TAT: variants seen among roughly 807,000 people sequenced by gnomAD.
TAT encodes L-tyrosine:2-oxoglutarate aminotransferase.
Under a neutral mutation model 53.6 loss-of-function variants are expected in TAT, and 35 were observed. That is an observed-to-expected ratio of 0.65 (90% CI 0.50 to 0.87). The LOEUF is 0.87. Among genes scored for constraint, TAT ranks in the 40% least tolerant of loss-of-function variants. TAT has a pLI of 0.00. For synonymous variants in TAT, 197 were observed against 206.5 expected (o/e 0.95, Z 0.39); for missense variants, 525 against 571.8 (o/e 0.92, Z 0.83).
rs1306978798 is a variant in TAT at position 71,566,774 on chromosome 16, A to T, written c.*1370T>A. ...AGAAGTAAATGAAACCTCATAGGTA[A>T]TGAAACAATGAGACTGAGGAGTGCC... On this transcript the variant is annotated 3_prime_UTR_variant, in exon 12 of 12. Transcript: ENST00000355962. 1 of 152,102 alleles carries T rather than the reference A, an allele frequency of 6.6e-6. No homozygotes were observed. The highest frequency in any genetic ancestry group is 1.5e-5 in the Non-Finnish European group (1 of 68,020). The allele number at this position is 152,102 out of a possible 1,614,324, so 9.4% of individuals were successfully genotyped here. A position where few individuals can be genotyped will look rare whatever the true frequency, so the allele number is the denominator to read the frequency against.
intron 11 of TAT, 185 bp downstream of exon 11, chr16:71,568,526 G>A: frequency 1.4e-6 from 1 of 697,556 alleles, no homozygotes; most frequent in Non-Finnish European, 2.5e-6. Flanking sequence ...TCCCAGTATG[G>A]ATGGGATTAT....
intron 7 of TAT, among the ~76,000 whole-genome samples, chr16:71,571,155 C>G (rs2044200445): frequency 6.6e-6 from 1 of 152,178 alleles, no homozygotes; most frequent in South Asian, 2.1e-4. Flanking sequence ...AGTCCACAAT[C>G]CCTTATCTGA....
intron 6 of TAT, 38 bp from the exon 7 acceptor site, chr16:71,571,696 AT>A (rs1234039921): frequency 6.3e-7 from 1 of 1,592,672 alleles, no homozygotes; most frequent in South Asian, 1.1e-5. Context: ...TTTAATGTGA[AT>A]TGCTTTATCA....
In TAT at chr16:71,573,516, C is replaced by T. The variant is rs143387795; in HGVS notation, c.408+23G>A. 1.2e-3 allele frequency: 1,884 copies of T among 1,550,374 alleles called. 1 individual carries two copies. The highest frequency in any genetic ancestry group is 1.5e-3 in the Non-Finnish European group (1,679 of 1,145,636). ...TAGTTTGCCCTAAATTGCTTCAGAG[C>T]TGGTGTCTTGTATAAGGCTCACCTT... On this transcript the variant is annotated intron_variant, in intron 4 of 11. Coordinates refer to ENST00000355962, the MANE Select transcript of TAT (RefSeq NM_000353.3).
At position 71,572,586 on chromosome 16, in the gene TAT, G is replaced by C. The variant is rs2044210433; in HGVS notation, c.511C>G (p.Leu171Val). Residue 171 changes from leucine (L) to valine (V), a missense_variant, in exon 5 of 12, where the codon CTC (leucine) becomes GTC (valine). By Grantham distance (32) the Leu-to-Val change is conservative (BLOSUM62 1). Transcript: ENST00000355962. ...ATAGACTCAGCCAGAGTCTTGTAGA[G>C]AGAGAAACCAGGTCTTGGAACCAGG... ...NILVPRPGFS[L>V]YKTLAESMGI... The C allele has an allele frequency of 6.2e-7, 1 of 1,614,082 alleles. No individual in the cohort carries two copies. Among genetic ancestry groups the C allele is most frequent in the African/African-American group, 1.3e-5 (1 of 74,920 alleles).
At position 71,569,880 on chromosome 16, in the gene TAT, G is replaced by T. The variant is rs759212173; in HGVS notation, c.1099C>A (p.Arg367Ser). 3 of 1,613,910 alleles carry T rather than the reference G, an allele frequency of 1.9e-6. No homozygotes were observed. Among genetic ancestry groups the T allele is most frequent in the Non-Finnish European group, 2.5e-6 (3 of 1,179,966 alleles). ...LAAIPGLRPVRPSGAMYLMVG... is the reference protein window; with the variant it reads ...LAAIPGLRPVSPSGAMYLMVG... ...ATGAGGTACATAGCCCCAGAAGGGCGGACTGGCCGGAGTCCAGGGATGGCA... is the reference window on the plus strand; with the variant it reads ...ATGAGGTACATAGCCCCAGAAGGGCTGACTGGCCGGAGTCCAGGGATGGCA... The change falls in exon 10 of 12, where the codon CGC becomes AGC. Residue 367 changes from arginine to serine, a missense_variant. By Grantham distance (110) the Arg-to-Ser change is moderately radical (BLOSUM62 -1). Coordinates refer to ENST00000355962, the MANE Select transcript of TAT (RefSeq NM_000353.3).
intron 6 of TAT, 145 bp downstream of exon 6, chr16:71,572,041 G>T: frequency 9.9e-7 from 1 of 1,008,086 alleles, no homozygotes; most frequent in African/African-American, 1.6e-5. Flanking sequence ...CACTCCTATG[G>T]CACAGTATTG....
intron 9 of TAT, 149 bp from the exon 10 acceptor site, chr16:71,570,086 A>C (rs930785853): frequency 8.9e-6 from 12 of 1,341,242 alleles, no homozygotes; most frequent in Non-Finnish European, 1.2e-5. Flanking sequence ...TATTACTTGA[A>C]GCTTTTCACC....
chr16:71,573,818 G>GT (rs1039303619), intron 3 of TAT, among the ~76,000 whole-genome samples: 4 of 151,690 alleles, frequency 2.6e-5, no homozygotes, highest in South Asian at 2.1e-4. Context: ...TTTTTGTTTT[G>GT]TTTTTTGTTT....
intron 3 of TAT, chr16:71,575,646 A>G: frequency 2.0e-6 from 1 of 497,426 alleles, no homozygotes. Flanking sequence ...ATTAGTAATG[A>G]TAGGATAGGA....
chr16:71,570,750 G>T lies in TAT; in HGVS notation c.841C>A (p.Arg281Ser), dbSNP rs778438405. 1.9e-6 allele frequency: 3 copies of T among 1,614,092 alleles called. No individual in the cohort carries two copies. Among genetic ancestry groups the T allele is most frequent in the Admixed American group, 1.7e-5 (1 of 60,006 alleles). Residue 281 changes from arginine to serine, a missense_variant, in exon 8 of 12, where the codon CGC becomes AGC. By Grantham distance (110) the Arg-to-Ser change is moderately radical. Transcript: ENST00000355962. ...AACCTCCAGCCAGGAACCAGCCAGCGCTTGGCCAGCCCTCCACAGGACAGG... is the reference window on the plus strand; with the variant it reads ...AACCTCCAGCCAGGAACCAGCCAGCTCTTGGCCAGCCCTCCACAGGACAGG... Reference protein sequence around the residue: ...PILSCGGLAKRWLVPGWRLGW... With the variant: ...PILSCGGLAKSWLVPGWRLGW...
rs772064635 is a variant in TAT at position 71,568,278 on chromosome 16, C to G, written c.1231G>C (p.Glu411Gln). ...SVHCLPATCF[E>Q]YPNFIRVVIT... ...ACCACTCGGATGAAATTCGGGTACTCAAAGCACTGCAAAAAGAAGAGTCTG... is the reference window on the plus strand; with the variant it reads ...ACCACTCGGATGAAATTCGGGTACTGAAAGCACTGCAAAAAGAAGAGTCTG... Residue 411 changes from glutamate to glutamine, a missense_variant, in exon 12 of 12, where the codon GAG (glutamate) becomes CAG (glutamine). Coordinates refer to ENST00000355962, the MANE Select transcript of TAT (RefSeq NM_000353.3). 1 of 1,614,104 alleles carries G rather than the reference C, an allele frequency of 6.2e-7. No individual in the cohort carries two copies. The highest frequency in any genetic ancestry group is 1.1e-5 in the South Asian group (1 of 91,062).
rs1244669832 is a variant in TAT, at chr16:71,572,543, A to G, written c.554T>C (p.Leu185Pro). Reference protein sequence around the residue: ...LAESMGIEVKLYNLLPEKSWE... With the variant: ...LAESMGIEVKPYNLLPEKSWE... ...AAAGTCATTTACCAACAAATTGTAG[A>G]GTTTGACCTCAATTCCCATAGACTC... Residue 185 changes from leucine to proline, a missense_variant, in exon 5 of 12, where the codon CTC becomes CCC. Transcript: ENST00000355962. The G allele has an allele frequency of 6.2e-7, 1 of 1,614,266 alleles. No individual in the cohort carries two copies. The highest frequency in any genetic ancestry group is 8.5e-7 in the Non-Finnish European group (1 of 1,180,040).
Position 71,568,752 on chromosome 16 carries a change from G to T in TAT, c.1183C>A (p.Arg395=). The change falls in exon 11 of 12, where the codon CGG becomes AGG. Residue 395 remains arginine (R), a synonymous_variant. Coordinates refer to ENST00000355962, the MANE Select transcript of TAT (RefSeq NM_000353.3). ...EFENDVEFTE[R]LVAEQSVHCL... is the part of the protein sequence containing the mutation. ...TGGACAGACTGCTCAGCAACTAACCGCTCCGTGAACTCCACATCGTTCTCA... is the reference window on the plus strand; with the variant it reads ...TGGACAGACTGCTCAGCAACTAACCTCTCCGTGAACTCCACATCGTTCTCA... 1 of 1,613,914 alleles carries T rather than the reference G, an allele frequency of 6.2e-7. No individual in the cohort carries two copies. Among genetic ancestry groups the T allele is most frequent in the African/African-American group, 1.3e-5 (1 of 75,016 alleles).
intron 5 of TAT, 88 bp downstream of exon 5, chr16:71,572,442 T>G (rs2044209473): frequency 1.9e-6 from 3 of 1,607,896 alleles, no homozygotes; most frequent in Non-Finnish European, 2.6e-6. Context: ...ACCACCACTT[T>G]GAGACCTTCC....
chr16:71,572,721 G>A, intron 4 of TAT, 33 bp from the exon 5 acceptor site: 1 of 1,613,588 alleles, frequency 6.2e-7, no homozygotes, highest in South Asian at 1.1e-5. Flanking sequence ...ATTTCATTAG[G>A]GGTTCCAACA....
intron 7 of TAT, 111 bp downstream of exon 7, chr16:71,571,495 G>A (rs1248974230): frequency 1.0e-6 from 1 of 998,174 alleles, no homozygotes; most frequent in Non-Finnish European, 1.6e-6. Context: ...GTGCAGGGAT[G>A]CTGATTTGCT....
At position 71,572,319 on chromosome 16, in the gene TAT, C is replaced by A; in HGVS notation, c.573G>T (p.Glu191Asp). ...GTTTCAGGTCAATTTCCCAAGATTT[C>A]TCTGGCTGGAGAGAAAGAAAGGATG... ...IEVKLYNLLP[E>D]KSWEIDLKQL... Residue 191 changes from glutamate (E) to aspartate (D), a missense_variant, in exon 6 of 12, where the codon GAG (glutamate) becomes GAT (aspartate). Transcript: ENST00000355962. The A allele has an allele frequency of 2.5e-6, 4 of 1,614,198 alleles. No individual in the cohort carries two copies. The highest frequency in any genetic ancestry group is 3.4e-6 in the Non-Finnish European group (4 of 1,180,038).
chr16:71,572,806 G>A, intron 4 of TAT, 118 bp from the exon 5 acceptor site: 1 of 1,140,904 alleles, frequency 8.8e-7, no homozygotes, highest in Admixed American at 2.0e-5. Context: ...GTTGTAAGTA[G>A]TAGGAAATGT....
Sources: gnomAD v4.1 joint callset for allele counts (sites outside exome capture counted in the v4.1 genomes callset) on GRCh38, gnomAD v4.1.1 for gene constraint, MANE v1.5 for transcripts, NCBI Gene and HGNC (gene_info 2026-07-23, HGNC 2026-07-21) for gene names.